The following SETD1B variants were observed in gnomAD, a reference collection of about 807,000 sequenced individuals.
The protein encoded by SETD1B is SET domain containing 1B, histone lysine methyltransferase.
SETD1B carries 7 observed loss-of-function variants against 148.0 expected under a neutral mutation model. The ratio of observed to expected loss-of-function variants is 0.05; its 90% CI spans 0.03 to 0.09. The LOEUF (loss-of-function observed/expected upper bound fraction) is 0.09. Ranked by LOEUF, SETD1B falls within the 10% of genes least tolerant of loss-of-function variation. SETD1B has a pLI of 1.00. For missense variants in SETD1B, 2,155 were observed against 2,729.9 expected (o/e 0.79, Z 4.69); for synonymous variants, 1,361 against 1,186.5 (o/e 1.15, Z -3.02).
At chr12:121,827,211 G>A (rs1034999809) in intron 13 of SETD1B, among the ~76,000 whole-genome samples, 3 of 152,060 alleles carry the variant, frequency 2.0e-5, no homozygotes, top group African/African-American at 4.8e-5. Flanking sequence ...GAACGCTTGT[G>A]GGGTGAGAGG....
intron 4 of SETD1B, among the ~76,000 whole-genome samples, chr12:121,807,236 G>A (rs1356422478): frequency 6.6e-6 from 1 of 152,032 alleles, no homozygotes; most frequent in African/African-American, 2.4e-5. Context: ...CCTCCTCTCA[G>A]GGCACAGCCC....
rs761695036 is a variant in SETD1B at position 121,809,690 on chromosome 12, G to T, written c.745G>T (p.Gly249Trp). The T allele has an allele frequency of 4.5e-6, 7 of 1,551,590 alleles. No individual in the cohort carries two copies. Among genetic ancestry groups the T allele is most frequent in the Non-Finnish European group, 6.1e-6 (7 of 1,146,996 alleles). Residue 249 changes from glycine (G) to tryptophan (W), a missense_variant, in exon 6 of 17, where the codon GGG (glycine) becomes TGG (tryptophan). Gly to Trp is a radical substitution (Grantham distance 184). Around this residue, in one of 11 missense-constraint regions of SETD1B, gnomAD observed 376 missense variants for 385.0 expected, o/e 0.98. Transcript: ENST00000604567. ...CTCCTCTGTCACCCCCAATAGCGGT[G>T]GGACACCCTTCTCCCAGGACACAGC... is the stretch of plus-strand genomic sequence containing the variant. ...GSSSVTPNSG[G>W]TPFSQDTAYS... is the part of the protein sequence containing the mutation.
rs746526305 is a variant in SETD1B, at chr12:121,805,114, A to G, written c.175-4A>G. 23 of 1,551,476 alleles carry G rather than the reference A, an allele frequency of 1.5e-5. No individual in the cohort carries two copies. In the South Asian group the frequency reaches 2.4e-4, roughly 16 times the overall value. ...CATCCCGGCCCCCCAATTTCTCCCC[A>G]CAGATGTCCAGCAACCGCCCGGTGG... is the stretch of plus-strand genomic sequence containing the variant. On this transcript the variant is annotated splice_polypyrimidine_tract_variant and splice_region_variant and intron_variant, in intron 2 of 16. Coordinates refer to ENST00000604567, the MANE Select transcript of SETD1B (RefSeq NM_001353345.2). The surrounding 1 kb of genome is among the most constrained non-coding windows in gnomAD (Gnocchi z 4.2).
upstream of SETD1B, chr12:121,803,937 GA>G: frequency 6.3e-6 from 1 of 158,656 alleles, no homozygotes; most frequent in Non-Finnish European, 1.4e-5. This position sits in a 1 kb window ranked among gnomAD's most constrained non-coding sequence, Gnocchi z 4.7. Flanking sequence ...CGAGGAAGGA[GA>G]GGGGAGGAGG....
chr12:121,808,059 A>G lies in SETD1B; in HGVS notation c.545-149A>G. The G allele has an allele frequency of 3.4e-6, 2 of 593,428 alleles. No individual in the cohort carries two copies. The highest frequency in any genetic ancestry group is 6.0e-6 in the Non-Finnish European group (2 of 330,836). 36.8% of individuals were successfully genotyped at this position (593,428 alleles called of 1,614,324 possible). A position where few individuals can be genotyped will look rare whatever the true frequency, so the allele number is the denominator to read the frequency against. On this transcript the variant is annotated intron_variant, in intron 4 of 16. Transcript: ENST00000604567. The surrounding 1 kb of genome is among the most constrained non-coding windows in gnomAD (Gnocchi z 5.3). ...GGTGGGGACCCTGAGCGAGGTGCAGAGGGGTGGGAACTCAGGGCCACACAG... is the reference window on the plus strand; with the variant it reads ...GGTGGGGACCCTGAGCGAGGTGCAGGGGGGTGGGAACTCAGGGCCACACAG...
chr12:121,819,082 T>C (rs1876439865), intron 10 of SETD1B, among the ~76,000 whole-genome samples: 1 of 150,002 alleles, frequency 6.7e-6, no homozygotes, highest in South Asian at 2.1e-4. Context: ...CTGTCTCTAC[T>C]AAAAGTACAA....
rs1875676659 is a variant in SETD1B, at chr12:121,805,306, C to T, written c.273+90C>T. ...GTCCTGACCGAGCCCAGCCGGATTC[C>T]CAGTTCCCGCCGTCCGGGGCCAGGG... On this transcript the variant is annotated intron_variant, in intron 3 of 16. Coordinates refer to ENST00000604567, the MANE Select transcript of SETD1B (RefSeq NM_001353345.2). The surrounding 1 kb of genome is among the most constrained non-coding windows in gnomAD (Gnocchi z 4.2). 9.0e-7 allele frequency: 1 copy of T among 1,115,872 alleles called. No homozygotes were observed. The highest frequency in any genetic ancestry group is 1.4e-5 in the South Asian group (1 of 70,888). 69.1% of individuals were successfully genotyped at this position (1,115,872 alleles called of 1,614,324 possible).
chr12:121,801,879 CA>C (rs1875383699), upstream of SETD1B: 1 of 152,162 alleles, frequency 6.6e-6, no homozygotes, highest in South Asian at 2.1e-4. Flanking sequence ...AAACAAAAGG[CA>C]CAAGACGCAC....
Position 121,810,983 on chromosome 12 carries a change from A to G in SETD1B, c.1890+148A>G. On this transcript the variant is annotated intron_variant, in intron 6 of 16. Coordinates refer to ENST00000604567, the MANE Select transcript of SETD1B (RefSeq NM_001353345.2). This position sits in a 1 kb window ranked among gnomAD's most constrained non-coding sequence, Gnocchi z 7.6. The stretch of plus-strand genomic sequence containing the variant: ...ATAACAGGTGGAACTTACAGAATAA[A>G]AAGGGGATGCAGAAAACACCAGGGG... 9.1e-7 allele frequency: 1 copy of G among 1,096,946 alleles called. No homozygotes were observed. 68.0% of individuals were successfully genotyped at this position (1,096,946 alleles called of 1,614,324 possible).
At position 121,810,208 on chromosome 12, in the gene SETD1B, G is replaced by A. The variant is rs61734114; in HGVS notation, c.1263G>A (p.Gly421=). ...PEEPTATAAF[G]ARDSGEFRRA... ...AGCCCACCGCCACAGCCGCTTTTGGGGCCCGCGACAGTGGGGAGTTCCGGA... is the reference window on the plus strand; with the variant it reads ...AGCCCACCGCCACAGCCGCTTTTGGAGCCCGCGACAGTGGGGAGTTCCGGA... The change falls in exon 6 of 17, where the codon GGG becomes GGA. Residue 421 remains glycine, a synonymous_variant. Coordinates refer to ENST00000604567, the MANE Select transcript of SETD1B (RefSeq NM_001353345.2). The surrounding 1 kb of genome is among the most constrained non-coding windows in gnomAD (Gnocchi z 7.6). 0.011 allele frequency: 17,365 copies of A among 1,549,444 alleles called. 110 individuals are homozygous for A. The highest frequency in any genetic ancestry group is 0.014 in the Non-Finnish European group (15,776 of 1,146,832).
At chr12:121,790,710 C>G in the SETD1B span, among the ~76,000 whole-genome samples, 1 of 152,132 alleles carries the variant, frequency 6.6e-6, no homozygotes, top group Non-Finnish European at 1.5e-5. Context: ...AGCCACCTCC[C>G]CTGAGCCCTG....
intron 11 of SETD1B, among the ~76,000 whole-genome samples, chr12:121,821,407 C>G (rs1244657179): frequency 2.0e-5 from 3 of 150,334 alleles, no homozygotes; most frequent in Admixed American, 2.0e-4. Context: ...ACACTGCACT[C>G]CAGCCTGGGC....
At chr12:121,800,383 C>G (rs1184239952), upstream of SETD1B, 1 of 152,242 alleles carries the variant, frequency 6.6e-6, no homozygotes, top group Non-Finnish European at 1.5e-5. Context: ...CCCGCGCTGA[C>G]TCGGCTCTCA....
At chr12:121,829,124 G>C (rs963518168) in intron 16 of SETD1B, among the ~76,000 whole-genome samples, 1 of 152,180 alleles carries the variant, frequency 6.6e-6, no homozygotes, top group Non-Finnish European at 1.5e-5. Context: ...GGCTGAGGGT[G>C]GCCAAGCTGA....
chr12:121,822,638 G>C lies in SETD1B; in HGVS notation c.4059G>C (p.Glu1353Asp), dbSNP rs1480575920. ...CCTCACACCCATCTGTCCCTCCGGA[G>C]CCCCTTGCCGAGGACCACCCCCCGC... Reference protein sequence around the residue: ...TDASHPSVPPEPLAEDHPPHT... With the variant: ...TDASHPSVPPDPLAEDHPPHT... The change falls in exon 12 of 17, where the codon GAG becomes GAC. Residue 1353 changes from glutamate to aspartate, a missense_variant. Glu to Asp is a conservative substitution (Grantham distance 45). Around this residue, in one of 11 missense-constraint regions of SETD1B, gnomAD observed 862 missense variants for 873.8 expected, o/e 0.99. Coordinates refer to ENST00000604567, the MANE Select transcript of SETD1B (RefSeq NM_001353345.2). The C allele has an allele frequency of 6.4e-7, 1 of 1,551,206 alleles. No individual in the cohort carries two copies. Among genetic ancestry groups the C allele is most frequent in the East Asian group, 2.4e-5 (1 of 40,886 alleles).
Position 121,808,339 on chromosome 12 carries a change from G to T in SETD1B, c.657+19G>T. ...CCTGCAGGTGGGTTTATGGCCGTCA[G>T]TCTGCCCCATCGCCAGCTCTTTGAT... is the stretch of plus-strand genomic sequence containing the variant. On this transcript the variant is annotated intron_variant, in intron 5 of 16. Transcript: ENST00000604567. The surrounding 1 kb of genome is among the most constrained non-coding windows in gnomAD (Gnocchi z 5.3). 1.3e-6 allele frequency: 2 copies of T among 1,523,228 alleles called. No homozygotes were observed. The highest frequency in any genetic ancestry group is 1.8e-6 in the Non-Finnish European group (2 of 1,122,022). 94.4% of individuals were successfully genotyped at this position (1,523,228 alleles called of 1,614,324 possible).
At chr12:121,814,052 G>T (rs2137559837) in intron 6 of SETD1B, 54 bp from the exon 7 acceptor site, 2 of 1,432,872 alleles carry the variant, frequency 1.4e-6, no homozygotes, top group Admixed American at 4.2e-5. Flanking sequence ...GGGACTCCGA[G>T]AGCCCCTTGG....
At chr12:121,797,274 TAAGGC>T in the SETD1B span, 1 of 370,132 alleles carries the variant, frequency 2.7e-6, no homozygotes, top group Non-Finnish European at 5.3e-6. Context: ...GACTCAGTAG[TAAGGC>T]AAGTCCTGCC....
Position 121,806,194 on chromosome 12 carries a change from CT to C in SETD1B, c.544+90del, listed in dbSNP as rs1875731041. On this transcript the variant is annotated intron_variant, in intron 4 of 16. Coordinates refer to ENST00000604567, the MANE Select transcript of SETD1B (RefSeq NM_001353345.2). ...TCCTGCAGCGTGGGGAGGACCCCCC[CT>C]CACTCTTCCTTGGGATCCCCCCCCA... 3 of 1,402,404 alleles carry C rather than the reference CT, an allele frequency of 2.1e-6. No homozygotes were observed. In the African/African-American group the frequency reaches 4.3e-5, roughly 20 times the overall value. The allele number at this position is 1,402,404 out of a possible 1,614,324, so 86.9% of individuals were successfully genotyped here. A position where few individuals can be genotyped will look rare whatever the true frequency, so the allele number is the denominator to read the frequency against.
Sources: allele counts gnomAD v4.1 joint callset (sites outside exome capture counted in the v4.1 genomes callset), GRCh38; gene constraint gnomAD v4.1.1; regional missense constraint gnomAD v4.1.1; non-coding constraint Gnocchi (gnomAD v3.1); transcripts MANE v1.5; gene names NCBI Gene and HGNC (gene_info 2026-07-23, HGNC 2026-07-21).